Variants in FAM13C observed in about 807,000 individuals in gnomAD.
FAM13C encodes protein FAM13C.
In FAM13C, 37 loss-of-function variants were observed where a neutral mutation model predicts 73.2. The ratio of observed to expected loss-of-function variants is 0.51; its 90% CI spans 0.39 to 0.67. FAM13C has a LOEUF of 0.67. Ranked by LOEUF, FAM13C falls within the 30% of genes least tolerant of loss-of-function variation. The probability of loss-of-function intolerance (pLI) is 0.00; values close to 1 mark genes in which losing one functional copy is unlikely to be tolerated. For missense variants in FAM13C, 589 were observed against 715.6 expected, an observed-to-expected ratio of 0.82 and a Z score of 2.02; for synonymous variants, 246 against 260.9, an observed-to-expected ratio of 0.94 and a Z score of 0.55.
intron 8 of FAM13C, among the ~76,000 whole-genome samples, chr10:59,268,244 G>T (rs1400144443): frequency 4.0e-5 from 6 of 151,138 alleles, no homozygotes; most frequent in Admixed American, 4.0e-4. Context: ...AGAAGAAGAA[G>T]AAGAAGACCA....
At chr10:59,352,001 A>G (rs1002011722) in intron 3 of FAM13C, among the ~76,000 whole-genome samples, 5 of 152,176 alleles carry the variant, frequency 3.3e-5, no homozygotes, top group African/African-American at 1.2e-4. Flanking sequence ...GTCTCCAAAA[A>G]TAAAAATAAA....
chr10:59,256,548 T>C (rs73298124), intron 10 of FAM13C, among the ~76,000 whole-genome samples: 3,094 of 152,274 alleles, frequency 0.02, 123 homozygotes, highest in African/African-American at 0.071. Context: ...AAGATTATTA[T>C]TAAAGCAATC....
At chr10:59,255,035 A>G (rs1841818911) in intron 10 of FAM13C, among the ~76,000 whole-genome samples, 1 of 152,156 alleles carries the variant, frequency 6.6e-6, no homozygotes, top group South Asian at 2.1e-4. Flanking sequence ...TTCCTTAATT[A>G]CTTCTTCATT....
intron 6 of FAM13C, among the ~76,000 whole-genome samples, chr10:59,271,873 T>A (rs898373): frequency 0.23 from 34,393 of 152,112 alleles, 5,204 homozygotes; most frequent in African/African-American, 0.42. Context: ...GACCACCATA[T>A]TTTTACTGAA....
rs139338310 is a variant in FAM13C, at chr10:59,285,105, C to A, written c.508-1658G>T. On this transcript the variant is annotated intron_variant, in intron 5 of 13. Transcript: ENST00000618804. ...TGTCTCTTCACCATTCTGAAAGGAG[C>A]AGGTGCCTAGGCAGGCTCAGGATCA... Among the ~76,000 whole-genome samples the A allele has an allele frequency of 3.4e-3, 519 of 152,296 alleles. 4 individuals are homozygous for A. Among genetic ancestry groups the A allele is most frequent in the African/African-American group, 0.011 (476 of 41,564 alleles).
At chr10:59,339,794 T>C (rs1285708398) in intron 3 of FAM13C, among the ~76,000 whole-genome samples, 1 of 152,168 alleles carries the variant, frequency 6.6e-6, no homozygotes, top group East Asian at 1.9e-4. Context: ...TCAGTGTGCA[T>C]AGGGCAGGTT....
At chr10:59,264,780 A>C (rs1007052286) in intron 8 of FAM13C, among the ~76,000 whole-genome samples, 5 of 152,142 alleles carry the variant, frequency 3.3e-5, no homozygotes, top group African/African-American at 1.2e-4. Flanking sequence ...TATCTTCACT[A>C]GTGGTAGTCA....
chr10:59,278,999 C>G (rs1844636822), intron 6 of FAM13C, among the ~76,000 whole-genome samples: 1 of 152,202 alleles, frequency 6.6e-6, no homozygotes, highest in Admixed American at 6.5e-5. Context: ...TATGGATAAC[C>G]AGATGCTCCT....
intron 5 of FAM13C, among the ~76,000 whole-genome samples, chr10:59,293,323 G>A (rs1417899687): frequency 2.6e-5 from 4 of 151,858 alleles, no homozygotes; most frequent in Admixed American, 6.6e-5. Flanking sequence ...TGATCCACCC[G>A]CCTCGGCCTC....
At chr10:59,319,188 C>A (rs1157477833) in intron 4 of FAM13C, among the ~76,000 whole-genome samples, 2 of 151,392 alleles carry the variant, frequency 1.3e-5, no homozygotes, top group African/African-American at 4.9e-5. Flanking sequence ...AACAAAACTT[C>A]CTCTTTCTAT....
At chr10:59,278,479 A>G (rs1406332947) in intron 6 of FAM13C, among the ~76,000 whole-genome samples, 1 of 152,164 alleles carries the variant, frequency 6.6e-6, no homozygotes. Flanking sequence ...GAACCTCAGC[A>G]CTATTGACCA....
chr10:59,305,248 C>G (rs1052058431), intron 4 of FAM13C, among the ~76,000 whole-genome samples: 2 of 152,154 alleles, frequency 1.3e-5, no homozygotes, highest in African/African-American at 4.8e-5. Context: ...AAACAAAATA[C>G]ACAAAACTCC....
chr10:59,275,418 G>A (rs534916381), intron 6 of FAM13C, among the ~76,000 whole-genome samples: 9 of 152,120 alleles, frequency 5.9e-5, no homozygotes, highest in Admixed American at 5.9e-4. Context: ...CAAGAGCAGT[G>A]TCAGACACCA....
intron 4 of FAM13C, among the ~76,000 whole-genome samples, chr10:59,315,444 G>C (rs998019499): frequency 1.3e-5 from 2 of 151,056 alleles, no homozygotes; most frequent in African/African-American, 2.5e-5. Flanking sequence ...AAATTTAGTG[G>C]GGTTTTTTTT....
At position 59,246,579 on chromosome 10, in the gene FAM13C, G is replaced by T. The variant is rs191350440; in HGVS notation, c.*1035C>A. 3.3e-5 allele frequency: 13 copies of T among 396,716 alleles called. No individual in the cohort carries two copies. The highest frequency in any genetic ancestry group is 1.8e-4 in the Admixed American group (4 of 22,672). 24.6% of individuals were successfully genotyped at this position (396,716 alleles called of 1,614,324 possible). On this transcript the variant is annotated 3_prime_UTR_variant, in exon 14 of 14. Coordinates refer to ENST00000618804, the MANE Select transcript of FAM13C (RefSeq NM_198215.4). ...AAATGAAAATAATAAACATGTTTTCGTATAAAATAACACAAAATGATATAC... is the reference window on the plus strand; with the variant it reads ...AAATGAAAATAATAAACATGTTTTCTTATAAAATAACACAAAATGATATAC...
At chr10:59,298,543 G>GAAAAGAA (rs1436319371) in intron 5 of FAM13C, among the ~76,000 whole-genome samples, 1 of 152,120 alleles carries the variant, frequency 6.6e-6, no homozygotes, top group Non-Finnish European at 1.5e-5. Context: ...AAGAAAAGAA[G>GAAAAGAA]GCCCATGGTG....
intron 3 of FAM13C, among the ~76,000 whole-genome samples, chr10:59,346,970 G>A (rs1348627790): frequency 6.6e-6 from 1 of 152,086 alleles, no homozygotes; most frequent in Non-Finnish European, 1.5e-5. Flanking sequence ...CCTAACTTCA[G>A]GATTCATTAT....
chr10:59,328,784 A>G (rs1851523752), intron 3 of FAM13C, among the ~76,000 whole-genome samples: 1 of 152,236 alleles, frequency 6.6e-6, no homozygotes, highest in Admixed American at 6.5e-5. Flanking sequence ...TCTATTGTTA[A>G]TGCCTTGCAT....
At chr10:59,362,642 C>A, upstream of FAM13C, 2 of 1,387,982 alleles carry the variant, frequency 1.4e-6, no homozygotes, top group Admixed American at 5.7e-5. Context: ...ACGGGCGAAC[C>A]ACAAAGCCCG....
Sources: gnomAD v4.1 joint callset for allele counts (sites outside exome capture counted in the v4.1 genomes callset) on GRCh38, gnomAD v4.1.1 for gene constraint, MANE v1.5 for transcripts, NCBI Gene and HGNC (gene_info 2026-07-23, HGNC 2026-07-21) for gene names.